The following EXOC6B variants were observed in gnomAD, a reference collection of about 807,000 sequenced individuals.
The protein encoded by EXOC6B is SEC15 homolog B.
EXOC6B carries 54 observed loss-of-function variants against 113.5 expected under a neutral mutation model. The ratio of observed to expected loss-of-function variants is 0.48; its 90% CI spans 0.38 to 0.60. The LOEUF (loss-of-function observed/expected upper bound fraction) is 0.60. Among genes scored for constraint, EXOC6B ranks in the 20% least tolerant of loss-of-function variants. The pLI is 0.00. For missense variants in EXOC6B, 797 were observed against 977.5 expected (o/e 0.82, Z 2.46); for synonymous variants, 357 against 339.0 (o/e 1.05, Z -0.58).
intron 20 of EXOC6B, among the ~76,000 whole-genome samples, chr2:72,236,571 T>C (rs539014251): frequency 7.8e-4 from 119 of 152,300 alleles, no homozygotes; most frequent in African/African-American, 2.2e-3. Context: ...AACTTCATGC[T>C]GGCACTGTCC....
chr2:72,629,512 C>T (rs1672259407), intron 6 of EXOC6B, among the ~76,000 whole-genome samples: 1 of 152,156 alleles, frequency 6.6e-6, no homozygotes, highest in Non-Finnish European at 1.5e-5. Flanking sequence ...TATTCATTTG[C>T]TATGAATGGA....
chr2:72,513,375 A>G (rs1474948595), intron 10 of EXOC6B, 123 bp from the exon 11 acceptor site: 2 of 1,245,838 alleles, frequency 1.6e-6, no homozygotes, highest in Non-Finnish European at 2.2e-6. Context: ...TTTTTCTTGA[A>G]GAAACTTATT....
At position 72,719,181 on chromosome 2, in the gene EXOC6B, C is replaced by T. The variant is rs569275460; in HGVS notation, c.465-874G>A. 1.2e-4 allele frequency among the ~76,000 whole-genome samples: 18 copies of T among 152,258 alleles called. No individual in the cohort carries two copies. In the South Asian group the frequency reaches 3.5e-3, roughly 30 times the overall value. Reference sequence around the variant, plus strand: ...CATTGGCCATGGCTAGTCATGAAAACCAGCAGCTTTCCTGAGATGAGGGGC... The same window carrying T: ...CATTGGCCATGGCTAGTCATGAAAATCAGCAGCTTTCCTGAGATGAGGGGC... On this transcript the variant is annotated intron_variant, in intron 5 of 21. Transcript: ENST00000272427.
intron 20 of EXOC6B, among the ~76,000 whole-genome samples, chr2:72,214,826 G>C (rs908204226): frequency 6.6e-6 from 1 of 152,150 alleles, no homozygotes; most frequent in Non-Finnish European, 1.5e-5. Context: ...CCAAAAGGTT[G>C]ATGCTATGTT....
At chr2:72,368,406 G>C (rs985387880) in intron 19 of EXOC6B, among the ~76,000 whole-genome samples, 4 of 151,788 alleles carry the variant, frequency 2.6e-5, no homozygotes, top group African/African-American at 9.7e-5. Context: ...CAGGACCAGA[G>C]GGATTCACAG....
intron 6 of EXOC6B, among the ~76,000 whole-genome samples, chr2:72,646,120 G>A (rs1436591472): frequency 6.6e-6 from 1 of 152,148 alleles, no homozygotes. Flanking sequence ...TACCACCACA[G>A]ATCCTACAGA....
At chr2:72,744,073 T>C (rs1475360451) in intron 1 of EXOC6B, among the ~76,000 whole-genome samples, 2 of 152,194 alleles carry the variant, frequency 1.3e-5, no homozygotes, top group African/African-American at 4.8e-5. Flanking sequence ...TATAACTGCC[T>C]ACAGTATTAA....
At chr2:72,308,010 G>C (rs908314306) in intron 20 of EXOC6B, among the ~76,000 whole-genome samples, 1 of 152,140 alleles carries the variant, frequency 6.6e-6, no homozygotes, top group South Asian at 2.1e-4. Flanking sequence ...GACTTTCAGA[G>C]TTCATTGTTG....
chr2:72,457,815 G>A (rs1012711234), intron 18 of EXOC6B, among the ~76,000 whole-genome samples: 3 of 152,118 alleles, frequency 2.0e-5, no homozygotes, highest in Non-Finnish European at 4.4e-5. Flanking sequence ...GCCTCATGAA[G>A]ATAGGCAGGC....
At chr2:72,334,582 C>T (rs916442455) in intron 20 of EXOC6B, among the ~76,000 whole-genome samples, 2 of 152,160 alleles carry the variant, frequency 1.3e-5, no homozygotes, top group African/African-American at 2.4e-5. Flanking sequence ...CTTCTCCAAG[C>T]AGGCAGTCTC....
At chr2:72,710,060 G>A (rs1038095977) in intron 6 of EXOC6B, among the ~76,000 whole-genome samples, 6 of 151,890 alleles carry the variant, frequency 4.0e-5, no homozygotes, top group African/African-American at 7.3e-5. Flanking sequence ...TACCACCACC[G>A]TGCCCAGCTA....
chr2:72,492,523 A>C (rs1481388529), intron 15 of EXOC6B, 94 bp from the exon 16 acceptor site: 5 of 679,594 alleles, frequency 7.4e-6, no homozygotes, highest in Non-Finnish European at 1.3e-5. Flanking sequence ...ATAATAATAA[A>C]ATAATAATAG....
chr2:72,716,763 G>A (rs6546782), intron 6 of EXOC6B, among the ~76,000 whole-genome samples: 134,759 of 152,056 alleles, frequency 0.89, 59,758 homozygotes, highest in East Asian at 0.99. Flanking sequence ...GAGACCAGCT[G>A]GCCTCACGTT....
chr2:72,249,321 G>A (rs1237149827), intron 20 of EXOC6B, among the ~76,000 whole-genome samples: 1 of 152,042 alleles, frequency 6.6e-6, no homozygotes, highest in Admixed American at 6.5e-5. Context: ...GTGCAGTGGT[G>A]CAATCTCGGC....
chr2:72,428,608 G>A (rs1695342646), intron 18 of EXOC6B, among the ~76,000 whole-genome samples: 2 of 152,324 alleles, frequency 1.3e-5, no homozygotes, highest in Admixed American at 6.5e-5. Context: ...ATCCAGATCA[G>A]TAGCATGAGA....
At chr2:72,650,888 A>C (rs1220443116) in intron 6 of EXOC6B, among the ~76,000 whole-genome samples, 2 of 151,572 alleles carry the variant, frequency 1.3e-5, no homozygotes, top group Non-Finnish European at 2.9e-5. Flanking sequence ...TCTAAAAAAA[A>C]AAAAACAAAA....
intron 20 of EXOC6B, among the ~76,000 whole-genome samples, chr2:72,240,361 G>A (rs1444582980): frequency 6.6e-6 from 1 of 152,060 alleles, no homozygotes; most frequent in Non-Finnish European, 1.5e-5. Context: ...ACAGAAAAAT[G>A]CACTTGAACT....
At chr2:72,782,562 G>C (rs1244911627) in intron 1 of EXOC6B, among the ~76,000 whole-genome samples, 2 of 152,050 alleles carry the variant, frequency 1.3e-5, no homozygotes, top group African/African-American at 4.8e-5. Context: ...TAGCTATTTT[G>C]AAACAGACAA....
chr2:72,559,314 A>G (rs773230660), intron 8 of EXOC6B, 139 bp downstream of exon 8: 30 of 501,920 alleles, frequency 6.0e-5, no homozygotes, highest in Non-Finnish European at 9.6e-5. Context: ...ATTGTTTTTT[A>G]TAATTAACAG....
Sources: allele counts gnomAD v4.1 joint callset (sites outside exome capture counted in the v4.1 genomes callset), GRCh38; gene constraint gnomAD v4.1.1; transcripts MANE v1.5; gene names NCBI Gene and HGNC (gene_info 2026-07-23, HGNC 2026-07-21).